Variants in PEBP1 observed in about 807,000 individuals in gnomAD.
PEBP1 encodes the protein phosphatidylethanolamine binding protein 1, also known as phosphatidylethanolamine-binding protein 1.
PEBP1 carries 17 observed loss-of-function variants against 22.7 expected under a neutral mutation model. The observed-to-expected ratio is 0.75, with a 90% confidence interval of 0.51 to 1.12. The LOEUF is 1.12. Among genes scored for constraint, PEBP1 ranks in the 50% most tolerant of loss-of-function variants. The pLI is 0.00. For missense variants in PEBP1, 205 were observed against 243.5 expected (o/e 0.84, Z 1.05); for synonymous variants, 106 against 104.3 (o/e 1.02, Z -0.10).
In PEBP1 at chr12:118,136,147, C is replaced by T. The variant is rs1024990936; in HGVS notation, c.-63C>T. On this transcript the variant is annotated 5_prime_UTR_variant, in exon 1 of 4. Coordinates refer to ENST00000261313, the MANE Select transcript of PEBP1 (RefSeq NM_002567.4). The surrounding 1 kb of genome is among the most constrained non-coding windows in gnomAD (Gnocchi z 5.6). ...CCAGTGTGCTGAGCTCTCCGCGTCG[C>T]CTCTGTCGCCCGCGCCTGGCCTACC... 7.2e-6 allele frequency: 11 copies of T among 1,530,986 alleles called. 1 individual carries two copies. Among genetic ancestry groups the T allele is most frequent in the South Asian group, 6.0e-5 (5 of 83,672 alleles). The allele number at this position is 1,530,986 out of a possible 1,614,324, so 94.8% of individuals were successfully genotyped here.
intron 1 of PEBP1, among the ~76,000 whole-genome samples, chr12:118,137,495 C>T (rs906924800): frequency 1.3e-5 from 2 of 152,144 alleles, no homozygotes; most frequent in Non-Finnish European, 2.9e-5. Context: ...GTTGAGGCTA[C>T]AGTGAGCCTT....
chr12:118,143,028 T>C (rs1048253926), intron 3 of PEBP1, among the ~76,000 whole-genome samples: 1 of 151,494 alleles, frequency 6.6e-6, no homozygotes, highest in African/African-American at 2.4e-5. Context: ...TTTGTATTTC[T>C]AGTAGAGACG....
rs1212489886 is a variant in PEBP1 at position 118,144,770 on chromosome 12, GC to G, written c.534del (p.Lys179AsnfsTer34). On this transcript the variant is annotated frameshift_variant, in exon 4 of 4. Transcript: ENST00000261313. LOFTEE classifies it high-confidence loss of function. Reference protein sequence around the residue: ...CYQAEWDDYVPKLYEQLSGK With the variant: ...CYQAEWDDYVXKLYEQLSGK Reference sequence around the variant, plus strand: ...ACCAGGCCGAGTGGGATGACTATGTGCCCAAACTGTACGAGCAGCTGTCTGG... The same window carrying G: ...ACCAGGCCGAGTGGGATGACTATGTGCCAAACTGTACGAGCAGCTGTCTGG... 4 of 1,614,154 alleles carry G rather than the reference GC, an allele frequency of 2.5e-6. No individual in the cohort carries two copies. Among genetic ancestry groups the G allele is most frequent in the Non-Finnish European group, 3.4e-6 (4 of 1,180,034 alleles).
At chr12:118,142,826 C>CT (rs374392598) in intron 3 of PEBP1, among the ~76,000 whole-genome samples, 1,542 of 93,480 alleles carry the variant, frequency 0.016, 141 homozygotes, top group Non-Finnish European at 0.019. Flanking sequence ...ACTACATTCA[C>CT]TTTTTTTTTT....
rs1023820030 is a variant in PEBP1 at position 118,136,344 on chromosome 12, G to C, written c.135G>C (p.Gln45His). The C allele has an allele frequency of 2.3e-5, 35 of 1,539,818 alleles. No individual in the cohort carries two copies. The highest frequency in any genetic ancestry group is 2.9e-5 in the Non-Finnish European group (33 of 1,145,638). Residue 45 changes from glutamine (Q) to histidine (H), a missense_variant and splice_region_variant, in exon 1 of 4, where the codon CAG becomes CAC. Gln to His is a conservative substitution (Grantham distance 24). Transcript: ENST00000261313. This position sits in a 1 kb window ranked among gnomAD's most constrained non-coding sequence, Gnocchi z 5.6. ...DELGKVLTPT[Q>H]VKNRPTSISW... ...TGGGCAAAGTGCTGACGCCCACCCA[G>C]GTACACCGGGCGGCGGGCGTGCAGC...
intron 3 of PEBP1, among the ~76,000 whole-genome samples, chr12:118,141,506 G>C (rs1248456542): frequency 6.6e-6 from 1 of 152,230 alleles, no homozygotes; most frequent in Non-Finnish European, 1.5e-5. Context: ...GGTGGAGGCA[G>C]TTGGATCACT....
At chr12:118,140,909 A>G (rs144515806) in intron 3 of PEBP1, among the ~76,000 whole-genome samples, 1,760 of 152,266 alleles carry the variant, frequency 0.012, 15 homozygotes, top group Middle Eastern at 0.024. Context: ...TTCTTGTAAT[A>G]TGGTATAATT....
At chr12:118,138,211 C>A in intron 2 of PEBP1, 63 bp downstream of exon 2, 1 of 1,099,932 alleles carries the variant, frequency 9.1e-7, no homozygotes, top group African/African-American at 1.5e-5. Flanking sequence ...GTGTAAGTCC[C>A]TTGCTGGACA....
Position 118,136,391 on chromosome 12 carries a change from T to C in PEBP1, c.135+47T>C. ...CAGCGAGCGGCACGGCGCGGAGGCC[T>C]GTGCCGGCCTCCTGGGTGGGACCCA... On this transcript the variant is annotated intron_variant, in intron 1 of 3. Coordinates refer to ENST00000261313, the MANE Select transcript of PEBP1 (RefSeq NM_002567.4). The surrounding 1 kb of genome is among the most constrained non-coding windows in gnomAD (Gnocchi z 5.6). The C allele has an allele frequency of 6.6e-7, 1 of 1,509,552 alleles. No individual in the cohort carries two copies. The highest frequency in any genetic ancestry group is 8.8e-7 in the Non-Finnish European group (1 of 1,134,588). 93.5% of individuals were successfully genotyped at this position (1,509,552 alleles called of 1,614,324 possible).
At chr12:118,137,547 C>G (rs548654596) in intron 1 of PEBP1, among the ~76,000 whole-genome samples, 306 of 152,212 alleles carry the variant, frequency 2.0e-3, no homozygotes, top group Non-Finnish European at 3.9e-3. Flanking sequence ...AGAAGGAGAC[C>G]TGGTCTCAAA....
In PEBP1 at chr12:118,139,509, G is replaced by A; in HGVS notation, c.304G>A (p.Val102Ile). 6.2e-7 allele frequency: 1 copy of A among 1,613,618 alleles called. No individual in the cohort carries two copies. The highest frequency in any genetic ancestry group is 8.5e-7 in the Non-Finnish European group (1 of 1,179,786). Residue 102 changes from valine (V) to isoleucine (I), a missense_variant, in exon 3 of 4, where the codon GTC (valine) becomes ATC (isoleucine). Coordinates refer to ENST00000261313, the MANE Select transcript of PEBP1 (RefSeq NM_002567.4). ...MKGNDISSGT[V>I]LSDYVGSGPP... ...GGGCAATGACATCAGCAGTGGCACA[G>A]TCCTCTCCGATTATGTGGGCTCGGG... is the stretch of plus-strand genomic sequence containing the variant.
chr12:118,142,826 CTTTT>C (rs374392598), intron 3 of PEBP1, among the ~76,000 whole-genome samples: 14 of 93,638 alleles, frequency 1.5e-4, no homozygotes, highest in East Asian at 7.4e-4. Flanking sequence ...ACTACATTCA[CTTTT>C]TTTTTTTTTT....
At chr12:118,144,476 A>G in intron 3 of PEBP1, 110 bp from the exon 4 acceptor site, 1 of 1,010,560 alleles carries the variant, frequency 9.9e-7, no homozygotes, top group South Asian at 1.5e-5. Flanking sequence ...TCCTCCTTGT[A>G]AATGGTGTGG....
chr12:118,136,458 T>C lies in PEBP1; in HGVS notation c.135+114T>C. On this transcript the variant is annotated intron_variant, in intron 1 of 3. Coordinates refer to ENST00000261313, the MANE Select transcript of PEBP1 (RefSeq NM_002567.4). The surrounding 1 kb of genome is among the most constrained non-coding windows in gnomAD (Gnocchi z 5.6). Reference sequence around the variant, plus strand: ...GGGCGGTGGGGAGGTTCAGCCTGCGTGTGTCGAGGCCCCCCCAGGCCAGAG... The same window carrying C: ...GGGCGGTGGGGAGGTTCAGCCTGCGCGTGTCGAGGCCCCCCCAGGCCAGAG... 2 of 1,265,642 alleles carry C rather than the reference T, an allele frequency of 1.6e-6. No individual in the cohort carries two copies. The highest frequency in any genetic ancestry group is 1.5e-5 in the South Asian group (1 of 64,560). The allele number at this position is 1,265,642 out of a possible 1,614,324, so 78.4% of individuals were successfully genotyped here.
chr12:118,140,056 GCACA>G (rs3074167), intron 3 of PEBP1, among the ~76,000 whole-genome samples: 7 of 151,230 alleles, frequency 4.6e-5, no homozygotes, highest in East Asian at 1.9e-4. Flanking sequence ...TATTGAAGGC[GCACA>G]CACACACACA....
chr12:118,144,500 A>G, intron 3 of PEBP1, 86 bp from the exon 4 acceptor site: 2 of 1,326,506 alleles, frequency 1.5e-6, no homozygotes, highest in Non-Finnish European at 2.1e-6. Context: ...GGGTGCCTCC[A>G]TGTTGAAACA....
At chr12:118,139,062 T>C (rs11068845) in intron 2 of PEBP1, 43,819 of 228,232 alleles carry the variant, frequency 0.19, 6,199 homozygotes, top group East Asian at 0.52. Flanking sequence ...TGCCTGTAAT[T>C]CCAGCACTTT....
intron 3 of PEBP1, among the ~76,000 whole-genome samples, chr12:118,143,981 G>A (rs2034135151): frequency 6.6e-6 from 1 of 151,914 alleles, no homozygotes. Flanking sequence ...CATCATTGAA[G>A]CTTGTAGAAA....
At chr12:118,141,416 C>G (rs902715530) in intron 3 of PEBP1, among the ~76,000 whole-genome samples, 2 of 152,160 alleles carry the variant, frequency 1.3e-5, no homozygotes, top group African/African-American at 4.8e-5. Context: ...TGTCCAGCCA[C>G]TTTCGCTATT....
Sources: gnomAD v4.1 joint callset for allele counts (sites outside exome capture counted in the v4.1 genomes callset) on GRCh38, gnomAD v4.1.1 for gene constraint, Gnocchi (gnomAD v3.1) non-coding constraint, MANE v1.5 for transcripts, NCBI Gene and HGNC (gene_info 2026-07-23, HGNC 2026-07-21) for gene names.